The following KITLG variants were observed in gnomAD, a reference collection of about 807,000 sequenced individuals.
The protein encoded by KITLG is c-Kit ligand.
In KITLG, 13 loss-of-function variants were observed where a neutral mutation model predicts 34.1. That is an observed-to-expected ratio of 0.38 (90% CI 0.25 to 0.61). The LOEUF is 0.61. KITLG is among the 20% of genes least tolerant of loss of function. The pLI is 0.60. For synonymous variants in KITLG, 110 were observed against 104.0 expected (o/e 1.06, Z -0.35); for missense variants, 292 against 318.9 (o/e 0.92, Z 0.64).
intron 1 of KITLG, among the ~76,000 whole-genome samples, chr12:88,556,218 C>A (rs201472704): frequency 0.01 from 1,256 of 123,826 alleles, no homozygotes; most frequent in Non-Finnish European, 0.012. Context: ...AAAGAATAAG[C>A]AAAAAAAAAA....
intron 3 of KITLG, among the ~76,000 whole-genome samples, chr12:88,532,151 G>A (rs1297128660): frequency 6.6e-6 from 1 of 152,120 alleles, no homozygotes; most frequent in Non-Finnish European, 1.5e-5. Context: ...TGATGGTGGA[G>A]TGAGTGGGGA....
At chr12:88,574,486 C>T (rs1183366397) in intron 1 of KITLG, among the ~76,000 whole-genome samples, 1 of 152,108 alleles carries the variant, frequency 6.6e-6, no homozygotes, top group African/African-American at 2.4e-5. Context: ...CTCTTTCCAC[C>T]TCCGTGTCTC....
At chr12:88,541,928 C>A (rs1870533154) in intron 2 of KITLG, among the ~76,000 whole-genome samples, 1 of 152,112 alleles carries the variant, frequency 6.6e-6, no homozygotes, top group Non-Finnish European at 1.5e-5. Context: ...CCACCTAATG[C>A]AAAGATGAAA....
At position 88,534,061 on chromosome 12, in the gene KITLG, C is replaced by T. The variant is rs549547083; in HGVS notation, c.130-1558G>A. Among the ~76,000 whole-genome samples, 5 of 152,272 alleles carry T rather than the reference C, an allele frequency of 3.3e-5. 1 individual carries two copies. In the South Asian group the frequency reaches 1.0e-3, roughly 32 times the overall value. On this transcript the variant is annotated intron_variant, in intron 2 of 9. Transcript: ENST00000644744. ...TATTTACTATGTGCTAGGCACTGTGCTCACTATGGGCTTGGGCTGCATTAT... is the reference window on the plus strand; with the variant it reads ...TATTTACTATGTGCTAGGCACTGTGTTCACTATGGGCTTGGGCTGCATTAT...
intron 2 of KITLG, among the ~76,000 whole-genome samples, chr12:88,535,893 A>G (rs967752651): frequency 5.3e-5 from 8 of 152,150 alleles, no homozygotes; most frequent in Non-Finnish European, 1.2e-4. Flanking sequence ...CACATACAAA[A>G]ATTAACTCAA....
In KITLG at chr12:88,494,876, A is replaced by C. The variant is rs41306956; in HGVS notation, c.*2343T>G. 1 of 152,076 alleles carries C rather than the reference A, an allele frequency of 6.6e-6. No individual in the cohort carries two copies. Among genetic ancestry groups the C allele is most frequent in the African/African-American group, 2.4e-5 (1 of 41,440 alleles). The allele number at this position is 152,076 out of a possible 1,614,324, so 9.4% of individuals were successfully genotyped here. ...AGGATATTCAGAACACATCTGGGATAAAATAAGCAAAGATAAATATATATT... is the reference window on the plus strand; with the variant it reads ...AGGATATTCAGAACACATCTGGGATCAAATAAGCAAAGATAAATATATATT... On this transcript the variant is annotated 3_prime_UTR_variant, in exon 10 of 10. Coordinates refer to ENST00000644744, the MANE Select transcript of KITLG (RefSeq NM_000899.5).
At chr12:88,534,185 G>A (rs1252192924) in intron 2 of KITLG, among the ~76,000 whole-genome samples, 2 of 152,068 alleles carry the variant, frequency 1.3e-5, no homozygotes, top group Non-Finnish European at 1.5e-5. Context: ...AGGTCACACA[G>A]CCATCACATG....
chr12:88,577,501 G>C (rs1485607786), intron 1 of KITLG, among the ~76,000 whole-genome samples: 2 of 152,124 alleles, frequency 1.3e-5, no homozygotes, highest in Non-Finnish European at 2.9e-5. Context: ...ATGGTGCCTT[G>C]ATTGTTATCC....
intron 1 of KITLG, among the ~76,000 whole-genome samples, chr12:88,561,861 A>T (rs576073846): frequency 6.6e-6 from 1 of 152,174 alleles, no homozygotes; most frequent in East Asian, 1.9e-4. Flanking sequence ...GGCTTTGCCA[A>T]TGGCAAGTTG....
At position 88,554,348 on chromosome 12, in the gene KITLG, T is replaced by C. The variant is rs57147665; in HGVS notation, c.16-8483A>G. Among the ~76,000 whole-genome samples, 411 of 152,354 alleles carry C rather than the reference T, an allele frequency of 2.7e-3. 3 individuals carry two copies. Among genetic ancestry groups the C allele is most frequent in the Middle Eastern group, 0.02 (6 of 294 alleles). ...AAAATATGCATTGTCAGGGTCCATA[T>C]TACAGACGTCACAAAGTCAAAAAGA... On this transcript the variant is annotated intron_variant, in intron 1 of 9. Coordinates refer to ENST00000644744, the MANE Select transcript of KITLG (RefSeq NM_000899.5).
intron 3 of KITLG, among the ~76,000 whole-genome samples, chr12:88,521,480 G>T (rs1407676682): frequency 6.6e-6 from 1 of 151,954 alleles, no homozygotes; most frequent in Admixed American, 6.6e-5. Flanking sequence ...CTTTTTGTTT[G>T]CCTTAATAAA....
intron 1 of KITLG, among the ~76,000 whole-genome samples, chr12:88,559,740 A>G (rs184300586): frequency 6.6e-6 from 1 of 152,218 alleles, no homozygotes; most frequent in South Asian, 2.1e-4. Context: ...AAAAAGACCA[A>G]TTTTTTATAG....
Position 88,580,460 on chromosome 12 carries a change from G to A in KITLG, c.-182C>T, listed in dbSNP as rs1378909633. On this transcript the variant is annotated 5_prime_UTR_variant, in exon 1 of 10. Transcript: ENST00000644744. ...AGCGCTTCTAGTCTCGGCGCGAGGC[G>A]GCGAGCGAAGCCCGGCTGCTGAGCC... The A allele has an allele frequency of 6.8e-6, 5 of 738,256 alleles. No homozygotes were observed. The highest frequency in any genetic ancestry group is 1.8e-5 in the African/African-American group (1 of 56,102). 45.7% of individuals were successfully genotyped at this position (738,256 alleles called of 1,614,324 possible).
chr12:88,553,801 G>A (rs1191389258), intron 1 of KITLG, among the ~76,000 whole-genome samples: 5 of 152,188 alleles, frequency 3.3e-5, no homozygotes, highest in Non-Finnish European at 5.9e-5. Context: ...GTAGAGGGAA[G>A]TAATACTGAC....
rs1476709966 is a variant in KITLG at position 88,532,460 on chromosome 12, A to T, written c.173T>A (p.Val58Asp). The T allele has an allele frequency of 6.2e-7, 1 of 1,610,926 alleles. No individual in the cohort carries two copies. Among genetic ancestry groups the T allele is most frequent in the Non-Finnish European group, 8.5e-7 (1 of 1,178,364 alleles). ...ACATACCAAAACATCCATCCCGGGG[A>T]CATATTTGAGGGTTATCATGTAGTC... ...PKDYMITLKY[V>D]PGMDVLPSHC... Residue 58 changes from valine (V) to aspartate (D), a missense_variant, in exon 3 of 10, where the codon GTC (valine) becomes GAC (aspartate). Transcript: ENST00000644744.
At chr12:88,511,798 C>T (rs1159625827) in intron 6 of KITLG, among the ~76,000 whole-genome samples, 1 of 152,172 alleles carries the variant, frequency 6.6e-6, no homozygotes, top group Non-Finnish European at 1.5e-5. Context: ...GAGCACTTTA[C>T]AGATATCTCA....
rs1868541917 is a variant in KITLG, at chr12:88,494,633, G to A, written c.*2586C>T. On this transcript the variant is annotated 3_prime_UTR_variant, in exon 10 of 10. Coordinates refer to ENST00000644744, the MANE Select transcript of KITLG (RefSeq NM_000899.5). The stretch of plus-strand genomic sequence containing the variant: ...AGGAACACTTCATTATCACTCAGGA[G>A]GCAACATTTATCATAAAGCCATTTT... 6.6e-6 allele frequency: 1 copy of A among 152,296 alleles called. No homozygotes were observed. The highest frequency in any genetic ancestry group is 6.6e-5 in the Admixed American group (1 of 15,208). The allele number at this position is 152,296 out of a possible 1,614,324, so 9.4% of individuals were successfully genotyped here. A position where few individuals can be genotyped will look rare whatever the true frequency, so the allele number is the denominator to read the frequency against.
chr12:88,501,100 T>G (rs1868839842), intron 9 of KITLG, among the ~76,000 whole-genome samples: 2 of 152,272 alleles, frequency 1.3e-5, no homozygotes, highest in East Asian at 3.9e-4. Context: ...TAGGTGCAAC[T>G]TTTTTTGTTG....
At chr12:88,554,038 T>C (rs1871015008) in intron 1 of KITLG, among the ~76,000 whole-genome samples, 2 of 152,188 alleles carry the variant, frequency 1.3e-5, no homozygotes, top group African/African-American at 2.4e-5. Context: ...CAATCCCTCC[T>C]GAACACAGAG....
Sources: allele counts gnomAD v4.1 joint callset (sites outside exome capture counted in the v4.1 genomes callset), GRCh38; gene constraint gnomAD v4.1.1; transcripts MANE v1.5; gene names NCBI Gene and HGNC (gene_info 2026-07-23, HGNC 2026-07-21).